Variants in LRRC4C observed in about 807,000 individuals in gnomAD.
LRRC4C encodes the protein leucine rich repeat containing 4C.
A neutral mutation model predicts 33.6 loss-of-function variants in LRRC4C; 5 were observed. That is an observed-to-expected ratio of 0.15 (90% CI 0.08 to 0.31). The LOEUF is 0.31. Among genes scored for constraint, LRRC4C ranks in the 10% least tolerant of loss-of-function variants. LRRC4C has a pLI of 1.00. For synonymous variants in LRRC4C, 329 were observed against 302.0 expected, an observed-to-expected ratio of 1.09 and a Z score of -0.93; for missense variants, 560 against 796.7, an observed-to-expected ratio of 0.70 and a Z score of 3.58.
chr11:41,073,660 A>G (rs890662760), intron 1 of LRRC4C, among the ~76,000 whole-genome samples: 13 of 152,224 alleles, frequency 8.5e-5, no homozygotes, highest in Non-Finnish European at 1.9e-4. Flanking sequence ...GGTTCAATAT[A>G]TATGTGCAAG....
intron 1 of LRRC4C, among the ~76,000 whole-genome samples, chr11:41,159,860 AC>A (rs901202562): frequency 6.6e-6 from 1 of 152,144 alleles, no homozygotes; most frequent in Non-Finnish European, 1.5e-5. Flanking sequence ...TGAGTATTAT[AC>A]CCAATACTGC....
chr11:41,430,754 G>A (rs934407180), intron 1 of LRRC4C, among the ~76,000 whole-genome samples: 2 of 151,868 alleles, frequency 1.3e-5, no homozygotes, highest in African/African-American at 2.4e-5. Flanking sequence ...TTAAAAATAT[G>A]TTATTGTAAA....
intron 3 of LRRC4C, among the ~76,000 whole-genome samples, chr11:40,420,414 AC>A (rs1234278538): frequency 6.6e-6 from 1 of 152,070 alleles, no homozygotes; most frequent in Middle Eastern, 3.2e-3. Flanking sequence ...GGACTTTTCC[AC>A]CCAACTTCCC....
At chr11:40,856,733 C>A (rs11036100) in intron 2 of LRRC4C, among the ~76,000 whole-genome samples, 1 of 152,148 alleles carries the variant, frequency 6.6e-6, no homozygotes, top group African/African-American at 2.4e-5. Context: ...TCATTTCATC[C>A]TGCAATGTTC....
intron 2 of LRRC4C, among the ~76,000 whole-genome samples, chr11:40,905,395 G>GA (rs78367582): frequency 1.4e-3 from 195 of 143,148 alleles, no homozygotes; most frequent in Non-Finnish European, 1.4e-3. Context: ...TAGAAGGCAG[G>GA]AAAAAAAAAA....
intron 5 of LRRC4C, among the ~76,000 whole-genome samples, chr11:40,148,401 T>A (rs1211519848): frequency 6.6e-6 from 1 of 152,208 alleles, no homozygotes; most frequent in Non-Finnish European, 1.5e-5. Context: ...GATATCTCAC[T>A]GTGGTTTTGT....
chr11:40,218,633 T>TCTATCTAC lies in LRRC4C; in HGVS notation c.-96+22885_-96+22886insGTAGATAG, dbSNP rs1303469816. On this transcript the variant is annotated intron_variant, in intron 5 of 6. Coordinates refer to ENST00000528697, the MANE Select transcript of LRRC4C (RefSeq NM_001258419.2). ...ATGTATGTATGTATGTATGTATGTA[T>TCTATCTAC]GTATCTATTTATCTATCTATCATCT... Among the ~76,000 whole-genome samples the TCTATCTAC allele has an allele frequency of 5.5e-5, 7 of 126,358 alleles. 1 individual carries two copies. Among genetic ancestry groups the TCTATCTAC allele is most frequent in the African/African-American group, 2.6e-4 (7 of 27,360 alleles). The allele number at this position is 126,358 out of a possible 152,430, so 82.9% of individuals were successfully genotyped here.
At chr11:40,937,683 C>A (rs2136545169) in intron 1 of LRRC4C, among the ~76,000 whole-genome samples, 1 of 151,540 alleles carries the variant, frequency 6.6e-6, no homozygotes, top group East Asian at 1.9e-4. Context: ...CAGAGTCTCA[C>A]CCCAGCTGGA....
chr11:40,572,850 A>G (rs954023500), intron 3 of LRRC4C, among the ~76,000 whole-genome samples: 1 of 152,234 alleles, frequency 6.6e-6, no homozygotes, highest in Middle Eastern at 3.2e-3. Flanking sequence ...TGCATTTGCT[A>G]TTATAATATC....
At chr11:40,527,870 T>A (rs546212801) in intron 3 of LRRC4C, among the ~76,000 whole-genome samples, 1 of 152,126 alleles carries the variant, frequency 6.6e-6, no homozygotes, top group East Asian at 1.9e-4. Flanking sequence ...TGCCTCAGCC[T>A]CCCAAGTAGC....
intron 2 of LRRC4C, among the ~76,000 whole-genome samples, chr11:40,770,813 C>A (rs551261217): frequency 6.6e-6 from 1 of 152,308 alleles, no homozygotes; most frequent in East Asian, 1.9e-4. Context: ...AACTGACCTC[C>A]TTTGACTCAC....
chr11:40,867,697 A>T (rs980247187), intron 2 of LRRC4C, among the ~76,000 whole-genome samples: 2 of 152,172 alleles, frequency 1.3e-5, no homozygotes, highest in Non-Finnish European at 2.9e-5. Context: ...TTCCGTCAAT[A>T]TACTTATGAT....
chr11:41,041,741 A>G (rs549491335), intron 1 of LRRC4C, among the ~76,000 whole-genome samples: 14 of 152,276 alleles, frequency 9.2e-5, no homozygotes, highest in Middle Eastern at 3.4e-3. Context: ...ATGAATATGT[A>G]CAAACACACT....
At chr11:40,910,022 T>C (rs1956597874) in intron 2 of LRRC4C, among the ~76,000 whole-genome samples, 1 of 152,134 alleles carries the variant, frequency 6.6e-6, no homozygotes, top group Non-Finnish European at 1.5e-5. Context: ...TTTTAAAACT[T>C]AGGAATCATA....
chr11:41,042,775 T>C (rs1028262116), intron 1 of LRRC4C, among the ~76,000 whole-genome samples: 2 of 152,224 alleles, frequency 1.3e-5, no homozygotes, highest in Non-Finnish European at 2.9e-5. Flanking sequence ...CTTTTTGTTG[T>C]TGTTGTTAAA....
intron 1 of LRRC4C, among the ~76,000 whole-genome samples, chr11:41,319,920 T>C (rs1950907392): frequency 6.6e-6 from 1 of 152,172 alleles, no homozygotes; most frequent in African/African-American, 2.4e-5. Flanking sequence ...GGAATTATTT[T>C]AATGTGTTTT....
intron 3 of LRRC4C, among the ~76,000 whole-genome samples, chr11:40,382,711 T>C (rs900802211): frequency 9.1e-6 from 1 of 110,258 alleles, no homozygotes; most frequent in African/African-American, 3.6e-5. Flanking sequence ...TTTTTTTTTT[T>C]GAGACAGAGT....
chr11:41,199,515 T>C (rs1565473450), intron 1 of LRRC4C, among the ~76,000 whole-genome samples: 1 of 152,128 alleles, frequency 6.6e-6, no homozygotes, highest in African/African-American at 2.4e-5. Context: ...CAAAAATGTA[T>C]AGGATTTTGT....
At position 41,271,712 on chromosome 11, in the gene LRRC4C, T is replaced by C. The variant is rs80239539; in HGVS notation, c.-496+187719A>G. ...TTTCCCCACTAGAATGTATGTGTCATGAGACCAGGAATTGTTTTGCTTGTC... is the reference window on the plus strand; with the variant it reads ...TTTCCCCACTAGAATGTATGTGTCACGAGACCAGGAATTGTTTTGCTTGTC... On this transcript the variant is annotated intron_variant, in intron 1 of 6. Coordinates refer to ENST00000528697, the MANE Select transcript of LRRC4C (RefSeq NM_001258419.2). 8.4e-3 allele frequency among the ~76,000 whole-genome samples: 1,278 copies of C among 152,294 alleles called. 25 individuals are homozygous for C. Among genetic ancestry groups the C allele is most frequent in the African/African-American group, 0.029 (1,206 of 41,574 alleles).
Sources: gnomAD v4.1 joint callset for allele counts (sites outside exome capture counted in the v4.1 genomes callset) on GRCh38, gnomAD v4.1.1 for gene constraint, MANE v1.5 for transcripts, NCBI Gene and HGNC (gene_info 2026-07-23, HGNC 2026-07-21) for gene names.